Variants in DACH1 observed in about 807,000 individuals in gnomAD.
The protein encoded by DACH1 is dachshund family transcription factor 1.
A neutral mutation model predicts 54.2 loss-of-function variants in DACH1; 12 were observed. The observed-to-expected ratio is 0.22, with a 90% confidence interval of 0.14 to 0.36. The LOEUF (loss-of-function observed/expected upper bound fraction) is 0.36, where lower values mean the gene tolerates loss of function less well. Among genes scored for constraint, DACH1 ranks in the 10% least tolerant of loss-of-function variants. DACH1 has a pLI of 1.00. For missense variants in DACH1, 805 were observed against 929.8 expected, an observed-to-expected ratio of 0.87 and a Z score of 1.75; for synonymous variants, 386 against 366.2, an observed-to-expected ratio of 1.05 and a Z score of -0.62.
intron 1 of DACH1, among the ~76,000 whole-genome samples, chr13:71,719,957 G>A (rs1052240658): frequency 6.6e-6 from 1 of 152,078 alleles, no homozygotes; most frequent in Non-Finnish European, 1.5e-5. Context: ...TATCTTTTTG[G>A]TTCAATATTT....
intron 2 of DACH1, among the ~76,000 whole-genome samples, chr13:71,633,967 C>G (rs1877288705): frequency 7.1e-6 from 1 of 141,278 alleles, no homozygotes; most frequent in Non-Finnish European, 1.5e-5. Context: ...TTTCTTTTTT[C>G]TTCCTTTTTT....
At chr13:71,536,140 T>G (rs1882780626) in intron 6 of DACH1, among the ~76,000 whole-genome samples, 2 of 152,040 alleles carry the variant, frequency 1.3e-5, no homozygotes, top group Admixed American at 1.3e-4. Flanking sequence ...CCAGCTAAAT[T>G]TATCATCTCT....
At chr13:71,623,133 A>C (rs2077538144) in intron 3 of DACH1, among the ~76,000 whole-genome samples, 1 of 151,796 alleles carries the variant, frequency 6.6e-6, no homozygotes, top group South Asian at 2.1e-4. Context: ...CAAATATTTC[A>C]AAGTGAAAAA....
At chr13:71,681,321 C>T (rs1456328566) in intron 2 of DACH1, among the ~76,000 whole-genome samples, 2 of 152,044 alleles carry the variant, frequency 1.3e-5, no homozygotes, top group Non-Finnish European at 2.9e-5. Flanking sequence ...CTAATAGAAA[C>T]GTATTAGTTT....
chr13:71,831,408 A>T (rs2138207616), intron 1 of DACH1, among the ~76,000 whole-genome samples: 1 of 152,014 alleles, frequency 6.6e-6, no homozygotes, highest in African/African-American at 2.4e-5. Flanking sequence ...AGGTCCGAGA[A>T]ACTGAAAATC....
At chr13:71,632,416 A>AT (rs34080454) in intron 2 of DACH1, among the ~76,000 whole-genome samples, 5,651 of 124,644 alleles carry the variant, frequency 0.045, 136 homozygotes, top group Middle Eastern at 0.12. Context: ...AACCCCACCC[A>AT]TTTTTTTTTT....
At chr13:71,820,105 GAAAAAAAAAAAAA>G (rs59126150) in intron 1 of DACH1, among the ~76,000 whole-genome samples, 1 of 54,122 alleles carries the variant, frequency 1.8e-5, no homozygotes, top group Admixed American at 3.3e-4. Context: ...TGCCTCTACC[GAAAAAAAAAAAAA>G]AAAAAAAAAA....
At chr13:71,605,620 T>C (rs1874821240) in intron 3 of DACH1, among the ~76,000 whole-genome samples, 1 of 152,022 alleles carries the variant, frequency 6.6e-6, no homozygotes, top group Admixed American at 6.6e-5. Flanking sequence ...TATCAAAGAA[T>C]GTTTTCAACA....
intron 6 of DACH1, among the ~76,000 whole-genome samples, chr13:71,494,477 T>C (rs545161950): frequency 1.3e-5 from 2 of 152,238 alleles, no homozygotes; most frequent in South Asian, 4.1e-4. Flanking sequence ...TGTAGGTTAA[T>C]GTAAGTGAGC....
intron 1 of DACH1, among the ~76,000 whole-genome samples, chr13:71,793,457 G>A (rs535559961): frequency 1.3e-5 from 2 of 152,266 alleles, no homozygotes; most frequent in Non-Finnish European, 2.9e-5. Context: ...CCTTGCTATA[G>A]ATTGAAGACA....
intron 1 of DACH1, among the ~76,000 whole-genome samples, chr13:71,845,153 A>G (rs1052538277): frequency 5.3e-5 from 8 of 152,188 alleles, no homozygotes; most frequent in African/African-American, 1.9e-4. Context: ...GTTTGAGATG[A>G]TGGATATGGT....
intron 10 of DACH1, among the ~76,000 whole-genome samples, chr13:71,445,767 A>G (rs1189799895): frequency 6.6e-6 from 1 of 152,236 alleles, no homozygotes; most frequent in Non-Finnish European, 1.5e-5. Flanking sequence ...ATAATGTTCC[A>G]GAGAAGTTAT....
In DACH1 at chr13:71,768,669, C is replaced by G. The variant is rs75929394; in HGVS notation, c.849-86759G>C. Reference sequence around the variant, plus strand: ...AATTGTAGAACAAAATAAGGCAGCTCAAATAAATACAGAATAATCTTTAAG... The same window carrying G: ...AATTGTAGAACAAAATAAGGCAGCTGAAATAAATACAGAATAATCTTTAAG... On this transcript the variant is annotated intron_variant, in intron 1 of 10. Transcript: ENST00000613252. 4.0e-3 allele frequency among the ~76,000 whole-genome samples: 603 copies of G among 151,896 alleles called. 33 individuals carry two copies. In the East Asian group the frequency reaches 0.1, roughly 26 times the overall value.
At chr13:71,861,052 G>A (rs1041507361) in intron 1 of DACH1, among the ~76,000 whole-genome samples, 1 of 151,816 alleles carries the variant, frequency 6.6e-6, no homozygotes, top group African/African-American at 2.4e-5. Context: ...AGGGAGTTGG[G>A]GGATGCAGTG....
At chr13:71,596,196 G>T (rs1033888784) in intron 3 of DACH1, among the ~76,000 whole-genome samples, 1 of 152,024 alleles carries the variant, frequency 6.6e-6, no homozygotes, top group African/African-American at 2.4e-5. Flanking sequence ...GTTTTCACTG[G>T]AAATAGTGTA....
intron 1 of DACH1, among the ~76,000 whole-genome samples, chr13:71,822,560 C>A (rs1448694502): frequency 6.6e-6 from 1 of 152,108 alleles, no homozygotes; most frequent in Non-Finnish European, 1.5e-5. Flanking sequence ...CTAAAGCAAA[C>A]TTTCCTCGAT....
chr13:71,504,912 G>T (rs1880191537), intron 6 of DACH1, among the ~76,000 whole-genome samples: 1 of 152,042 alleles, frequency 6.6e-6, no homozygotes, highest in South Asian at 2.1e-4. Context: ...TACCTTGAAT[G>T]GTGCCTGGCT....
intron 10 of DACH1, among the ~76,000 whole-genome samples, chr13:71,442,945 T>G (rs893287754): frequency 2.6e-5 from 4 of 151,450 alleles, no homozygotes; most frequent in African/African-American, 7.2e-5. Context: ...AAGGAGGGAC[T>G]ACTGTAAGTT....
Position 71,438,077 on chromosome 13 carries a change from A to G in DACH1, c.*2578T>C, listed in dbSNP as rs1873671333. On this transcript the variant is annotated 3_prime_UTR_variant, in exon 11 of 11. Coordinates refer to ENST00000613252, the MANE Select transcript of DACH1 (RefSeq NM_080759.6). ...ACCAGGCTCAAATAACTAGGCTACC[A>G]TAGAAAAATTTCCAATTCTTGCATT... The G allele has an allele frequency of 6.6e-6, 1 of 152,438 alleles. No individual in the cohort carries two copies. Among genetic ancestry groups the G allele is most frequent in the Non-Finnish European group, 1.5e-5 (1 of 67,866 alleles). 9.4% of individuals were successfully genotyped at this position (152,438 alleles called of 1,614,324 possible). A position where few individuals can be genotyped will look rare whatever the true frequency, so the allele number is the denominator to read the frequency against.
Sources: gnomAD v4.1 joint callset for allele counts (sites outside exome capture counted in the v4.1 genomes callset) on GRCh38, gnomAD v4.1.1 for gene constraint, MANE v1.5 for transcripts, NCBI Gene and HGNC (gene_info 2026-07-23, HGNC 2026-07-21) for gene names.